NLRC3: variants seen among roughly 807,000 people sequenced by gnomAD.
NLRC3 encodes NLR family CARD domain-containing protein 3.
NLRC3 carries 87 observed loss-of-function variants against 91.6 expected under a neutral mutation model. The observed-to-expected ratio is 0.95, with a 90% CI of 0.80 to 1.14. The LOEUF (loss-of-function observed/expected upper bound fraction) is 1.14. Among genes scored for constraint, NLRC3 ranks in the 50% most tolerant of loss-of-function variants. NLRC3 has a pLI of 0.00. For synonymous variants in NLRC3, 694 were observed against 625.3 expected (o/e 1.11, Z -1.64); for missense variants, 1,577 against 1,418.6 (o/e 1.11, Z -1.79).
chr16:3,557,651 T>G lies in NLRC3; in HGVS notation c.2041A>C (p.Lys681Gln), dbSNP rs1487263814. The stretch of plus-strand genomic sequence containing the variant: ...GATCTGGCCAGAGCTTTGGCCCCTT[T>G]GTTACTGATCTGGTTCTCCGCCAAG... ...ISLAENQISN[K>Q]GAKALARSLL... Residue 681 changes from lysine (K) to glutamine (Q), a missense_variant, in exon 7 of 20, where the codon AAA (lysine) becomes CAA (glutamine). By Grantham distance (53) the Lys-to-Gln change is moderately conservative. Coordinates refer to ENST00000359128, the MANE Select transcript of NLRC3 (RefSeq NM_178844.4). The G allele has an allele frequency of 6.2e-7, 1 of 1,613,638 alleles. No individual in the cohort carries two copies. Among genetic ancestry groups the G allele is most frequent in the Admixed American group, 1.7e-5 (1 of 59,982 alleles).
chr16:3,564,889 G>A lies in NLRC3; in HGVS notation c.148C>T (p.Pro50Ser), dbSNP rs1321903115. The A allele has an allele frequency of 1.2e-6, 2 of 1,609,224 alleles. No individual in the cohort carries two copies. The highest frequency in any genetic ancestry group is 1.7e-6 in the Non-Finnish European group (2 of 1,179,238). Reference protein sequence around the residue: ...SQAPQALDRTPDAPLGPCSND... With the variant: ...SQAPQALDRTSDAPLGPCSND... ...CTGCAGGGCCCCAGCGGGGCATCCGGTGTCCTATCCAGGGCCTGCGGGGCC... is the reference window on the plus strand; with the variant it reads ...CTGCAGGGCCCCAGCGGGGCATCCGATGTCCTATCCAGGGCCTGCGGGGCC... Residue 50 changes from proline (P) to serine (S), a missense_variant, in exon 4 of 20, where the codon CCG (proline) becomes TCG (serine). Transcript: ENST00000359128. This position sits in a 1 kb window ranked among gnomAD's most constrained non-coding sequence, Gnocchi z 5.9.
At chr16:3,562,240 A>G (rs778988391) in intron 5 of NLRC3, among the ~76,000 whole-genome samples, 2 of 152,220 alleles carry the variant, frequency 1.3e-5, no homozygotes, top group African/African-American at 4.8e-5. Flanking sequence ...TGCCCCAAGT[A>G]TGTGGCTTTA....
intron 1 of NLRC3, among the ~76,000 whole-genome samples, chr16:3,568,454 T>G (rs1333453630): frequency 6.6e-6 from 1 of 152,202 alleles, no homozygotes; most frequent in Non-Finnish European, 1.5e-5. Flanking sequence ...CTAGGCACAG[T>G]GGCTCATGCT....
chr16:3,577,316 C>T lies in NLRC3; in HGVS notation c.-336G>A. Reference sequence around the variant, plus strand: ...ACCAGGGATCAGGGCACTTACCACGCCAACCAACCAACCGTGTGGGGGCCG... The same window carrying T: ...ACCAGGGATCAGGGCACTTACCACGTCAACCAACCAACCGTGTGGGGGCCG... On this transcript the variant is annotated 5_prime_UTR_variant, in exon 1 of 20. Transcript: ENST00000359128. 1 of 649,348 alleles carries T rather than the reference C, an allele frequency of 1.5e-6. No individual in the cohort carries two copies. The highest frequency in any genetic ancestry group is 1.7e-5 in the South Asian group (1 of 58,694). The allele number at this position is 649,348 out of a possible 1,614,324, so 40.2% of individuals were successfully genotyped here. A position where few individuals can be genotyped will look rare whatever the true frequency, so the allele number is the denominator to read the frequency against.
In NLRC3 at chr16:3,564,734, T is replaced by G; in HGVS notation, c.203A>C (p.Lys68Thr). The change falls in exon 5 of 20, where the codon AAG becomes ACG. Residue 68 changes from lysine to threonine, a missense_variant. By Grantham distance (78) the Lys-to-Thr change is moderately conservative (BLOSUM62 -1). Transcript: ENST00000359128. This position sits in a 1 kb window ranked among gnomAD's most constrained non-coding sequence, Gnocchi z 5.9. ...ACCTCCCACCTTGCTCAGCAGGGCC[T>G]TGCGGTGCCTCTGTATCCTTGAGTC... ...SNDSRIQRHR[K>T]ALLSKVGGGP... 1 of 1,588,526 alleles carries G rather than the reference T, an allele frequency of 6.3e-7. No homozygotes were observed. Among genetic ancestry groups the G allele is most frequent in the Non-Finnish European group, 8.5e-7 (1 of 1,173,252 alleles).
rs1228711932 is a variant in NLRC3, at chr16:3,564,159, C to G, written c.778G>C (p.Glu260Gln). 4.3e-6 allele frequency: 7 copies of G among 1,613,686 alleles called. No individual in the cohort carries two copies. The South Asian group carries it at 4.4e-5, about 10-fold the overall frequency. ...TNIIRGNLFP[E>Q]VSIWITSRPS... is the part of the protein sequence containing the mutation. ...CGGGAGGTGATCCAGATGGAAACTTCCGGAAAGAGGTTGCCACGGATGATG... is the reference window on the plus strand; with the variant it reads ...CGGGAGGTGATCCAGATGGAAACTTGCGGAAAGAGGTTGCCACGGATGATG... Residue 260 changes from glutamate (E) to glutamine (Q), a missense_variant, in exon 5 of 20, where the codon GAA becomes CAA. Physicochemically the swap from Glu to Gln is conservative, Grantham distance 29 (BLOSUM62 2). Coordinates refer to ENST00000359128, the MANE Select transcript of NLRC3 (RefSeq NM_178844.4). The surrounding 1 kb of genome is among the most constrained non-coding windows in gnomAD (Gnocchi z 5.9).
At position 3,541,230 on chromosome 16, in the gene NLRC3, C is replaced by T. The variant is rs1017554176; in HGVS notation, c.*595G>A. The T allele has an allele frequency of 6.6e-6, 1 of 152,194 alleles. No homozygotes were observed. The highest frequency in any genetic ancestry group is 1.5e-5 in the Non-Finnish European group (1 of 68,066). 9.4% of individuals were successfully genotyped at this position (152,194 alleles called of 1,614,324 possible). On this transcript the variant is annotated 3_prime_UTR_variant, in exon 20 of 20. Transcript: ENST00000359128. ...CAAAAACAAACAAAAAAGGCAAAAT[C>T]CTTGGAGAACTCTTACTGTCTCTGT...
rs8044546 is a variant in NLRC3, at chr16:3,563,003, A to G, written c.1928+6T>C. On this transcript the variant is annotated splice_donor_region_variant and intron_variant, in intron 5 of 19. Coordinates refer to ENST00000359128, the MANE Select transcript of NLRC3 (RefSeq NM_178844.4). ...CCCAGCCCCTGCCCCCTGCCCTGGT[A>G]TCCACCTGAGCTTCCGGCAGTAGAG... 0.076 allele frequency: 117,497 copies of G among 1,549,754 alleles called. 5,766 individuals carry two copies. Among genetic ancestry groups the G allele is most frequent in the African/African-American group, 0.24 (17,732 of 73,200 alleles).
rs199475940 is a variant in NLRC3 at position 3,563,067 on chromosome 16, G to A, written c.1870C>T (p.Leu624Phe). Residue 624 changes from leucine (L) to phenylalanine (F), a missense_variant, in exon 5 of 20, where the codon CTC becomes TTC. Physicochemically the swap from Leu to Phe is conservative, Grantham distance 22. Transcript: ENST00000359128. ...AGGCTCTGAAGGACGCCCTGGCTGA[G>A]GCTCAGGGACAGGTTGGCCTCCTGG... ...CAQEANLSLS[L>F]SQGVLQSLLP... is the part of the protein sequence containing the mutation. The A allele has an allele frequency of 3.2e-6, 5 of 1,565,124 alleles. No homozygotes were observed. The highest frequency in any genetic ancestry group is 4.3e-6 in the Non-Finnish European group (5 of 1,155,352).
chr16:3,563,983 A>C lies in NLRC3; in HGVS notation c.954T>G (p.Ala318=). 3 of 1,606,040 alleles carry C rather than the reference A, an allele frequency of 1.9e-6. No individual in the cohort carries two copies. The South Asian group carries it at 3.3e-5, about 18-fold the overall frequency. The change falls in exon 5 of 20, where the codon GCT becomes GCG. Residue 318 remains alanine (A), a synonymous_variant. Transcript: ENST00000359128. ...TGCACATCAGGTACAGGGCCCTGTC[A>C]GCCTGCACTTGGCTCAGCATCCAGC... ...LLGWMLSQVQ[A]DRALYLMCTV...
Position 3,539,476 on chromosome 16 carries a change from A to T in NLRC3, c.*2349T>A, listed in dbSNP as rs1179486097. ...ATGTATGATCATTATTTGAAAAGGG[A>T]GAGAGGGAGGACTCTTTGTTTTCTC... On this transcript the variant is annotated 3_prime_UTR_variant, in exon 20 of 20. Coordinates refer to ENST00000359128, the MANE Select transcript of NLRC3 (RefSeq NM_178844.4). The T allele has an allele frequency of 6.6e-6, 1 of 152,122 alleles. No homozygotes were observed. The highest frequency in any genetic ancestry group is 2.4e-5 in the African/African-American group (1 of 41,424). 9.4% of individuals were successfully genotyped at this position (152,122 alleles called of 1,614,324 possible). A position where few individuals can be genotyped will look rare whatever the true frequency, so the allele number is the denominator to read the frequency against.
chr16:3,575,682 C>T (rs897905652), intron 1 of NLRC3, among the ~76,000 whole-genome samples: 16 of 152,216 alleles, frequency 1.1e-4, no homozygotes, highest in Non-Finnish European at 1.8e-4. Flanking sequence ...AGCAAGTGGC[C>T]TGCTGCCTCA....
chr16:3,554,746 C>G (rs532053099), intron 8 of NLRC3, among the ~76,000 whole-genome samples: 41 of 152,284 alleles, frequency 2.7e-4, no homozygotes, highest in African/African-American at 8.9e-4. Context: ...GACCATGTGA[C>G]CCAGCAATTC....
intron 15 of NLRC3, among the ~76,000 whole-genome samples, chr16:3,547,283 C>T (rs2038739402): frequency 6.6e-6 from 1 of 152,190 alleles, no homozygotes; most frequent in African/African-American, 2.4e-5. Flanking sequence ...AAATGAAAGA[C>T]ACCAGCCACA....
chr16:3,561,689 G>C lies in NLRC3; in HGVS notation c.2015+13C>G, dbSNP rs2039618931. 2.5e-6 allele frequency: 4 copies of C among 1,592,876 alleles called. No homozygotes were observed. The South Asian group carries it at 4.4e-5, about 18-fold the overall frequency. On this transcript the variant is annotated intron_variant, in intron 6 of 19. Transcript: ENST00000359128. ...ACCATAGGCACCCTGGAGGTCCCCT[G>C]GGTCTGTGTTACCTGATCTTCTGAA...
chr16:3,556,522 G>A (rs1214201183), intron 8 of NLRC3, among the ~76,000 whole-genome samples: 1 of 150,848 alleles, frequency 6.6e-6, no homozygotes, highest in Non-Finnish European at 1.5e-5. Context: ...TTGCTTGCTT[G>A]TTGAGAGAGT....
chr16:3,569,221 G>A (rs1000990762), intron 1 of NLRC3, among the ~76,000 whole-genome samples: 1 of 150,868 alleles, frequency 6.6e-6, no homozygotes, highest in Non-Finnish European at 1.5e-5. Context: ...CACTGAGGTT[G>A]GAGAATCGCT....
intron 5 of NLRC3, among the ~76,000 whole-genome samples, chr16:3,562,676 A>C (rs1180815606): frequency 6.6e-6 from 1 of 150,940 alleles, no homozygotes; most frequent in African/African-American, 2.5e-5. Flanking sequence ...GTGGAGACAG[A>C]CACAGGGAGA....
At chr16:3,556,711 C>T (rs1312739432) in intron 8 of NLRC3, among the ~76,000 whole-genome samples, 200 bp downstream of exon 8, 1 of 152,140 alleles carries the variant, frequency 6.6e-6, no homozygotes, top group Non-Finnish European at 1.5e-5. Context: ...CCATGTTGGC[C>T]AGGCTGCTCT....
Sources: gnomAD v4.1 joint callset for allele counts (sites outside exome capture counted in the v4.1 genomes callset) on GRCh38, gnomAD v4.1.1 for gene constraint, Gnocchi (gnomAD v3.1) non-coding constraint, MANE v1.5 for transcripts, NCBI Gene and HGNC (gene_info 2026-07-23, HGNC 2026-07-21) for gene names.